PAX5: variants seen among roughly 807,000 people sequenced by gnomAD.
PAX5 encodes paired box 5.
PAX5 carries 9 observed loss-of-function variants against 43.7 expected under a neutral mutation model. The observed-to-expected ratio is 0.21, with a 90% CI of 0.12 to 0.36. PAX5 has a LOEUF of 0.36. Among genes scored for constraint, PAX5 ranks in the 10% least tolerant of loss-of-function variants. PAX5 has a pLI of 1.00. For missense variants in PAX5, 383 were observed against 532.7 expected, an observed-to-expected ratio of 0.72 and a Z score of 2.77; for synonymous variants, 228 against 214.3, an observed-to-expected ratio of 1.06 and a Z score of -0.56.
intron 7 of PAX5, among the ~76,000 whole-genome samples, chr9:36,900,158 C>T (rs1828243711): frequency 6.6e-6 from 1 of 152,202 alleles, no homozygotes; most frequent in South Asian, 2.1e-4. Context: ...TTCTTGAGGC[C>T]AAAGTCAGAG....
intron 6 of PAX5, among the ~76,000 whole-genome samples, chr9:36,947,009 T>C (rs1200264714): frequency 6.6e-6 from 1 of 152,252 alleles, no homozygotes; most frequent in Non-Finnish European, 1.5e-5. Context: ...CAGTGAATAG[T>C]GCTGCCCCCA....
chr9:36,950,332 C>A (rs985934120), intron 6 of PAX5, among the ~76,000 whole-genome samples: 2 of 152,216 alleles, frequency 1.3e-5, no homozygotes, highest in Admixed American at 1.3e-4. Context: ...ATAGCCAAGA[C>A]ATTGGGAAAG....
chr9:36,950,852 T>C (rs1047533333), intron 6 of PAX5, among the ~76,000 whole-genome samples: 33 of 150,338 alleles, frequency 2.2e-4, no homozygotes, highest in Non-Finnish European at 3.7e-4. Flanking sequence ...GCGACTCTCC[T>C]GCCTCAGCCT....
At chr9:37,026,838 A>C in intron 1 of PAX5, 5 of 484,248 alleles carry the variant, frequency 1.0e-5, no homozygotes, top group South Asian at 8.9e-5. Context: ...TGGCTGGCTC[A>C]AGCAGCAGCT....
intron 8 of PAX5, among the ~76,000 whole-genome samples, chr9:36,847,517 T>A (rs1822710979): frequency 1.3e-5 from 2 of 152,188 alleles, no homozygotes; most frequent in South Asian, 4.1e-4. Flanking sequence ...ACCCAGGCCC[T>A]CTGCCTGGAG....
At chr9:36,873,935 T>G (rs1234429862) in intron 8 of PAX5, among the ~76,000 whole-genome samples, 1 of 151,626 alleles carries the variant, frequency 6.6e-6, no homozygotes, top group East Asian at 1.9e-4. Context: ...ACCCAGAGAG[T>G]GGAAATGACA....
intron 5 of PAX5, among the ~76,000 whole-genome samples, chr9:36,972,516 T>C (rs531799556): frequency 6.6e-6 from 1 of 152,350 alleles, no homozygotes; most frequent in African/African-American, 2.4e-5. Flanking sequence ...TTTCCCATTT[T>C]GGTTGTTGTG....
intron 7 of PAX5, among the ~76,000 whole-genome samples, chr9:36,897,880 T>C (rs1373496480): frequency 1.3e-5 from 2 of 152,182 alleles, no homozygotes; most frequent in Non-Finnish European, 2.9e-5. Context: ...TTGGCCAAAG[T>C]CAGCCGTGTC....
At chr9:36,853,387 C>T (rs532367176) in intron 8 of PAX5, among the ~76,000 whole-genome samples, 10 of 152,214 alleles carry the variant, frequency 6.6e-5, no homozygotes, top group Admixed American at 6.5e-4. Flanking sequence ...TTCTCTCATA[C>T]TGAAGAAGGG....
chr9:36,969,029 A>G (rs10814489), intron 5 of PAX5, among the ~76,000 whole-genome samples: 85,991 of 152,014 alleles, frequency 0.57, 26,086 homozygotes, highest in East Asian at 0.78. Context: ...TTGCTAAAGC[A>G]TGACGTGGGC....
chr9:36,839,852 G>A lies in PAX5; in HGVS notation c.*708C>T, dbSNP rs1821900676. On this transcript the variant is annotated 3_prime_UTR_variant, in exon 10 of 10. Coordinates refer to ENST00000358127, the MANE Select transcript of PAX5 (RefSeq NM_016734.3). ...ACTGCATCGGTCCCAGAGAAATGGA[G>A]GCAGGAAACCAGGACATCTCCCCAA... The A allele has an allele frequency of 4.3e-6, 1 of 233,834 alleles. No individual in the cohort carries two copies. Among genetic ancestry groups the A allele is most frequent in the Non-Finnish European group, 8.4e-6 (1 of 118,420 alleles). The allele number at this position is 233,834 out of a possible 1,614,324, so 14.5% of individuals were successfully genotyped here. A position where few individuals can be genotyped will look rare whatever the true frequency, so the allele number is the denominator to read the frequency against.
intron 7 of PAX5, among the ~76,000 whole-genome samples, chr9:36,908,407 CA>C (rs1200223596): frequency 6.6e-6 from 1 of 151,966 alleles, no homozygotes; most frequent in African/African-American, 2.4e-5. Flanking sequence ...CTTTCTTTTT[CA>C]TTTTTGTTTT....
intron 1 of PAX5, 68 bp from the exon 2 acceptor site, chr9:37,020,869 G>A (rs1439350225): frequency 4.6e-6 from 7 of 1,537,518 alleles, no homozygotes; most frequent in African/African-American, 2.7e-5. Context: ...GAGAAGCACC[G>A]CTGTGAGGAC....
At chr9:37,011,846 T>C (rs1838955587) in intron 3 of PAX5, among the ~76,000 whole-genome samples, 1 of 151,422 alleles carries the variant, frequency 6.6e-6, no homozygotes, top group Admixed American at 6.6e-5. Context: ...TCAGAAAGGG[T>C]GAAAAGTTGC....
At chr9:36,970,919 G>A (rs1834881574) in intron 5 of PAX5, among the ~76,000 whole-genome samples, 1 of 152,182 alleles carries the variant, frequency 6.6e-6, no homozygotes, top group South Asian at 2.1e-4. Context: ...AAGGTGGGAG[G>A]TAATTCATCT....
At chr9:37,023,546 G>A (rs1390495050) in intron 1 of PAX5, among the ~76,000 whole-genome samples, 1 of 152,184 alleles carries the variant, frequency 6.6e-6, no homozygotes, top group Non-Finnish European at 1.5e-5. Context: ...TGTTTGGAGG[G>A]GAGTGAGGAG....
chr9:36,852,735 T>C (rs1823281374), intron 8 of PAX5, among the ~76,000 whole-genome samples: 1 of 152,218 alleles, frequency 6.6e-6, no homozygotes. Flanking sequence ...CATCTTATGT[T>C]GAAACTTACC....
At chr9:37,017,072 C>A (rs1470702182) in intron 2 of PAX5, among the ~76,000 whole-genome samples, 1 of 152,068 alleles carries the variant, frequency 6.6e-6, no homozygotes, top group Non-Finnish European at 1.5e-5. Context: ...AACAATATCC[C>A]AAAAAAACCA....
intron 6 of PAX5, among the ~76,000 whole-genome samples, chr9:36,934,400 A>G (rs1453964348): frequency 6.6e-6 from 1 of 152,248 alleles, no homozygotes; most frequent in Non-Finnish European, 1.5e-5. Flanking sequence ...TTGCAGTGGT[A>G]GAAATAGCCT....
Sources: allele counts gnomAD v4.1 joint callset (sites outside exome capture counted in the v4.1 genomes callset), GRCh38; gene constraint gnomAD v4.1.1; transcripts MANE v1.5; gene names NCBI Gene and HGNC (gene_info 2026-07-23, HGNC 2026-07-21).